The following MOSMO variants were observed in gnomAD, a reference collection of about 807,000 sequenced individuals.
MOSMO encodes the protein modulator of smoothened protein.
MOSMO carries 5 observed loss-of-function variants against 18.4 expected under a neutral mutation model. The ratio of observed to expected loss-of-function variants is 0.27; its 90% CI spans 0.14 to 0.57. The LOEUF (loss-of-function observed/expected upper bound fraction) is 0.57. MOSMO is among the 20% of genes least tolerant of loss of function. The pLI is 0.92. For synonymous variants in MOSMO, 82 were observed against 82.3 expected (o/e 1.00, Z 0.02); for missense variants, 138 against 211.8 (o/e 0.65, Z 2.16).
intron 1 of MOSMO, among the ~76,000 whole-genome samples, chr16:22,062,787 G>A (rs9921702): frequency 0.34 from 52,386 of 152,032 alleles, 10,724 homozygotes; most frequent in East Asian, 0.7. Context: ...TACTGAGGAA[G>A]CTGAGGTACA....
chr16:22,071,844 C>T (rs1900859135), intron 1 of MOSMO, among the ~76,000 whole-genome samples: 1 of 152,138 alleles, frequency 6.6e-6, no homozygotes, highest in Non-Finnish European at 1.5e-5. Context: ...AACAAAAATT[C>T]GTGAATGGCT....
chr16:22,057,775 A>C (rs1900565232), intron 1 of MOSMO, among the ~76,000 whole-genome samples: 1 of 152,226 alleles, frequency 6.6e-6, no homozygotes, highest in African/African-American at 2.4e-5. Flanking sequence ...ATTAACAGGA[A>C]GAATTTACGA....
intron 1 of MOSMO, among the ~76,000 whole-genome samples, chr16:22,041,887 T>G (rs1330395026): frequency 6.6e-6 from 1 of 152,116 alleles, no homozygotes; most frequent in Non-Finnish European, 1.5e-5. Context: ...TCACTATGTT[T>G]GTTGCCCAGC....
At chr16:22,031,562 TTC>T (rs1180465085) in intron 1 of MOSMO, among the ~76,000 whole-genome samples, 1 of 152,198 alleles carries the variant, frequency 6.6e-6, no homozygotes, top group Non-Finnish European at 1.5e-5. Context: ...CTAATCTACT[TTC>T]TGTTTCATAC....
chr16:22,020,980 G>T (rs981939449), intron 1 of MOSMO, among the ~76,000 whole-genome samples: 5 of 152,128 alleles, frequency 3.3e-5, no homozygotes, highest in Non-Finnish European at 7.4e-5. Flanking sequence ...AATAACCTGT[G>T]GTAGAGTTAA....
At chr16:22,055,687 G>T (rs1223224822) in intron 1 of MOSMO, among the ~76,000 whole-genome samples, 1 of 152,124 alleles carries the variant, frequency 6.6e-6, no homozygotes, top group East Asian at 1.9e-4. Context: ...TTTCTCTCAT[G>T]AAAGTAAATT....
chr16:22,011,894 G>A (rs1457097488), intron 1 of MOSMO, among the ~76,000 whole-genome samples: 1 of 141,420 alleles, frequency 7.1e-6, no homozygotes, highest in Non-Finnish European at 1.5e-5. Flanking sequence ...CTTGTATGCT[G>A]TACAGTCTCA....
At chr16:22,056,091 AG>A (rs1027842472) in intron 1 of MOSMO, among the ~76,000 whole-genome samples, 48 of 152,274 alleles carry the variant, frequency 3.2e-4, no homozygotes, top group African/African-American at 1.1e-3. Flanking sequence ...GGGGCGAGGC[AG>A]GGTAGAACCT....
chr16:22,024,440 C>T (rs533959978), intron 1 of MOSMO, among the ~76,000 whole-genome samples: 14 of 151,888 alleles, frequency 9.2e-5, no homozygotes, highest in African/African-American at 3.4e-4. Flanking sequence ...TCTCGGCTCA[C>T]TGCCACCTCC....
At chr16:22,044,366 G>A (rs971768621) in intron 1 of MOSMO, among the ~76,000 whole-genome samples, 1 of 152,142 alleles carries the variant, frequency 6.6e-6, no homozygotes, top group Non-Finnish European at 1.5e-5. Context: ...ACTTCTGTGT[G>A]CCAGGGATTG....
intron 1 of MOSMO, among the ~76,000 whole-genome samples, chr16:22,068,778 G>T (rs1900794019): frequency 6.6e-6 from 1 of 152,044 alleles, no homozygotes; most frequent in African/African-American, 2.4e-5. Flanking sequence ...ATGGACATTT[G>T]TATTGCTTCT....
intron 2 of MOSMO, among the ~76,000 whole-genome samples, chr16:22,078,437 C>A (rs893346072): frequency 6.6e-6 from 1 of 152,128 alleles, no homozygotes; most frequent in African/African-American, 2.4e-5. Flanking sequence ...TCATTGTTCC[C>A]TTAAAATTTA....
At chr16:22,018,587 A>G (rs1008989086) in intron 1 of MOSMO, among the ~76,000 whole-genome samples, 1 of 152,220 alleles carries the variant, frequency 6.6e-6, no homozygotes, top group Admixed American at 6.5e-5. Flanking sequence ...CCATCTTGCA[A>G]CAAATGCTAT....
intron 1 of MOSMO, among the ~76,000 whole-genome samples, chr16:22,059,946 G>A (rs1377782425): frequency 6.6e-6 from 1 of 152,158 alleles, no homozygotes; most frequent in Non-Finnish European, 1.5e-5. Flanking sequence ...GGAGGCTGAG[G>A]CAGGTGGATC....
chr16:22,072,806 C>CA (rs906526492), intron 1 of MOSMO, among the ~76,000 whole-genome samples: 4,732 of 78,266 alleles, frequency 0.06, 190 homozygotes, highest in African/African-American at 0.16. Context: ...GACTCCATCT[C>CA]AAAAAAAAAA....
At chr16:22,034,744 GTTTTTTT>G (rs890874059) in intron 1 of MOSMO, among the ~76,000 whole-genome samples, 5 of 55,456 alleles carry the variant, frequency 9.0e-5, no homozygotes, top group Non-Finnish European at 1.3e-4. Context: ...GTTTTTTTGG[GTTTTTTT>G]TTTTTTTTTT....
At position 22,075,661 on chromosome 16, in the gene MOSMO, A is replaced by T; in HGVS notation, c.281A>T (p.Glu94Val). 1 of 1,537,362 alleles carries T rather than the reference A, an allele frequency of 6.5e-7. No individual in the cohort carries two copies. The highest frequency in any genetic ancestry group is 8.7e-7 in the Non-Finnish European group (1 of 1,146,924). Residue 94 changes from glutamate (E) to valine (V), a missense_variant, in exon 2 of 3, where the codon GAA (glutamate) becomes GTA (valine). Transcript: ENST00000542527. ...GLLVASHWRR[E>V]ATKYARWIAF... ...CTGGTGGCTTCCCACTGGCGAAGAG[A>T]AGCTACAAAATATGCTCGATGGATA...
chr16:22,055,793 G>C (rs1337184498), intron 1 of MOSMO, among the ~76,000 whole-genome samples: 1 of 152,182 alleles, frequency 6.6e-6, no homozygotes, highest in African/African-American at 2.4e-5. Flanking sequence ...CCCATATCAG[G>C]TTTTGTAATG....
chr16:22,048,779 G>A (rs1900365076), intron 1 of MOSMO, among the ~76,000 whole-genome samples: 1 of 151,606 alleles, frequency 6.6e-6, no homozygotes, highest in Non-Finnish European at 1.5e-5. Flanking sequence ...ATGGGTTCAG[G>A]GTTTTCTTTC....
Sources: gnomAD v4.1 joint callset for allele counts (sites outside exome capture counted in the v4.1 genomes callset) on GRCh38, gnomAD v4.1.1 for gene constraint, MANE v1.5 for transcripts, NCBI Gene and HGNC (gene_info 2026-07-23, HGNC 2026-07-21) for gene names.